The following PSMG4 variants were observed in gnomAD, a reference collection of about 807,000 sequenced individuals.
PSMG4 encodes proteasome assembly chaperone 4.
PSMG4 carries 10 observed loss-of-function variants against 11.0 expected under a neutral mutation model. The observed-to-expected ratio is 0.91, with a 90% CI of 0.56 to 1.54. The LOEUF is 1.54. PSMG4 is among the 40% of genes most tolerant of loss of function. PSMG4 has a pLI of 0.00. For missense variants in PSMG4, 198 were observed against 160.9 expected, an observed-to-expected ratio of 1.23 and a Z score of -1.25; for synonymous variants, 95 against 71.3, an observed-to-expected ratio of 1.33 and a Z score of -1.68.
chr6:3,260,275 T>TTATATA (rs1261021278), intron 1 of PSMG4, among the ~76,000 whole-genome samples: 1 of 69,102 alleles, frequency 1.4e-5, no homozygotes, highest in African/African-American at 6.2e-5. Flanking sequence ...TTGTCTTAAA[T>TTATATA]TGTATATATA....
chr6:3,255,784 G>A (rs544849080), upstream of PSMG4, among the ~76,000 whole-genome samples: 16 of 152,344 alleles, frequency 1.1e-4, no homozygotes, highest in African/African-American at 3.8e-4. Flanking sequence ...TGTCCAGAGA[G>A]TCCCAATCTT....
chr6:3,263,150 G>T (rs541340486), intron 1 of PSMG4, among the ~76,000 whole-genome samples: 1 of 21,254 alleles, frequency 4.7e-5, no homozygotes, highest in African/African-American at 6.1e-5. Flanking sequence ...GATGCTGGTG[G>T]CTGGTGCCCT....
upstream of PSMG4, among the ~76,000 whole-genome samples, chr6:3,258,132 T>C (rs1440496510): frequency 6.6e-6 from 1 of 151,474 alleles, no homozygotes; most frequent in Non-Finnish European, 1.5e-5. Flanking sequence ...AACTCTGTAA[T>C]GTCCTGAAGT....
At chr6:3,257,802 A>G (rs891160048), upstream of PSMG4, among the ~76,000 whole-genome samples, 4 of 152,232 alleles carry the variant, frequency 2.6e-5, no homozygotes, top group Admixed American at 6.5e-5. Flanking sequence ...TGATGATTTC[A>G]CTGGCTATAA....
intron 1 of PSMG4, among the ~76,000 whole-genome samples, chr6:3,262,309 A>T (rs568379209): frequency 2.5e-4 from 38 of 152,240 alleles, no homozygotes; most frequent in African/African-American, 9.2e-4. Context: ...TTTACATTTA[A>T]CTTTTGGTAG....
upstream of PSMG4, chr6:3,255,156 C>T (rs1040455116): frequency 3.2e-6 from 5 of 1,550,772 alleles, no homozygotes; most frequent in African/African-American, 5.5e-5. Context: ...AGGAGCAGGG[C>T]CATACTGACG....
rs916380265 is a variant in PSMG4, at chr6:3,267,568, A to G, written c.251-23A>G. The G allele has an allele frequency of 1.0e-5, 16 of 1,550,108 alleles. No homozygotes were observed. In the Admixed American group the frequency reaches 2.6e-4, roughly 25 times the overall value. On this transcript the variant is annotated intron_variant, in intron 2 of 2. Coordinates refer to ENST00000438998, the MANE Select transcript of PSMG4 (RefSeq NM_001128591.2). ...CCTGCAGTATTTCAGGAGTGGCTGT[A>G]TCAATGTGTTTTCTCTTTTTAGCCA...
At chr6:3,259,347 G>A (rs1283758379) in intron 1 of PSMG4, among the ~76,000 whole-genome samples, 151 bp downstream of exon 1, 1 of 152,190 alleles carries the variant, frequency 6.6e-6, no homozygotes, top group Non-Finnish European at 1.5e-5. Context: ...GGAAGCCCGC[G>A]GGCGCCAGGG....
intron 1 of PSMG4, among the ~76,000 whole-genome samples, chr6:3,262,678 G>C (rs375229829): frequency 4.6e-5 from 7 of 152,036 alleles, no homozygotes; most frequent in African/African-American, 1.7e-4. Context: ...CAAAGTCTCT[G>C]TACCTCTAAA....
chr6:3,262,308 A>T (rs4421241), intron 1 of PSMG4, among the ~76,000 whole-genome samples: 104,003 of 152,094 alleles, frequency 0.68, 38,541 homozygotes, highest in Non-Finnish European at 0.83. Flanking sequence ...CTTTACATTT[A>T]ACTTTTGGTA....
At chr6:3,262,508 CTCCTGCCTTT>C (rs1445464787) in intron 1 of PSMG4, among the ~76,000 whole-genome samples, 4 of 152,122 alleles carry the variant, frequency 2.6e-5, no homozygotes, top group African/African-American at 7.2e-5. Flanking sequence ...GTTTTTTGAT[CTCCTGCCTTT>C]TATTGTCTTT....
upstream of PSMG4, among the ~76,000 whole-genome samples, chr6:3,254,822 A>C (rs376778166): frequency 4.6e-5 from 7 of 152,208 alleles, no homozygotes; most frequent in East Asian, 5.8e-4. Flanking sequence ...CCAATTCTGG[A>C]CACAGTGGGA....
chr6:3,256,918 C>T (rs1166125689), upstream of PSMG4, among the ~76,000 whole-genome samples: 3 of 151,080 alleles, frequency 2.0e-5, no homozygotes, highest in African/African-American at 4.9e-5. Flanking sequence ...CTAGGTGGCA[C>T]ATGCAGGCTC....
At chr6:3,255,142 T>G, upstream of PSMG4, 1 of 1,551,026 alleles carries the variant, frequency 6.4e-7, no homozygotes, top group South Asian at 1.2e-5. Flanking sequence ...GGTCATTCTC[T>G]TTGAGGAGCA....
At chr6:3,254,894 A>C (rs1273515768), upstream of PSMG4, among the ~76,000 whole-genome samples, 1 of 150,876 alleles carries the variant, frequency 6.6e-6, no homozygotes, top group Non-Finnish European at 1.5e-5. Context: ...CCGACCTTGT[A>C]AGTGAATGAT....
chr6:3,255,655 C>A (rs1414355706), upstream of PSMG4, among the ~76,000 whole-genome samples: 1 of 152,174 alleles, frequency 6.6e-6, no homozygotes, highest in African/African-American at 2.4e-5. Flanking sequence ...ACAAACGAGT[C>A]CGAGAGCCTT....
chr6:3,254,797 C>CT (rs2127250919), upstream of PSMG4, among the ~76,000 whole-genome samples: 1 of 152,256 alleles, frequency 6.6e-6, no homozygotes, highest in African/African-American at 2.4e-5. Flanking sequence ...TGCTTGGGGT[C>CT]AGAGCAACAA....
intron 2 of PSMG4, 113 bp downstream of exon 2, chr6:3,263,872 C>A: frequency 2.0e-6 from 3 of 1,473,622 alleles, no homozygotes; most frequent in Non-Finnish European, 2.7e-6. Context: ...GAACCATCAC[C>A]TCATTGCTGC....
upstream of PSMG4, among the ~76,000 whole-genome samples, chr6:3,254,746 C>T (rs529839081): frequency 3.4e-4 from 52 of 152,136 alleles, no homozygotes; most frequent in Non-Finnish European, 6.3e-4. Context: ...CCCTGTGCCT[C>T]TTTTAAAAAC....
Sources: gnomAD v4.1 joint callset for allele counts (sites outside exome capture counted in the v4.1 genomes callset) on GRCh38, gnomAD v4.1.1 for gene constraint, MANE v1.5 for transcripts, NCBI Gene and HGNC (gene_info 2026-07-23, HGNC 2026-07-21) for gene names.